Variants in FGF12 observed in about 807,000 individuals in gnomAD.
FGF12 encodes fibroblast growth factor 12, also known as fibroblast growth factor 12B.
FGF12 carries 14 observed loss-of-function variants against 23.6 expected under a neutral mutation model. That is an observed-to-expected ratio of 0.59 (90% CI 0.39 to 0.93). The LOEUF is 0.93. Ranked by LOEUF, FGF12 falls within the 40% of genes least tolerant of loss-of-function variation. The pLI, the probability that FGF12 is intolerant of heterozygous loss-of-function variation, is 0.00. For missense variants in FGF12, 175 were observed against 217.8 expected, an observed-to-expected ratio of 0.80 and a Z score of 1.24; for synonymous variants, 62 against 77.3, an observed-to-expected ratio of 0.80 and a Z score of 1.04.
intron 2 of FGF12, among the ~76,000 whole-genome samples, chr3:192,392,638 G>A (rs1020192122): frequency 4.1e-5 from 6 of 145,394 alleles, no homozygotes; most frequent in African/African-American, 1.5e-4. Flanking sequence ...GAGAGAGGAA[G>A]GGAGGGAGGG....
At chr3:192,220,125 G>C (rs564968829) in intron 4 of FGF12, among the ~76,000 whole-genome samples, 118 of 151,838 alleles carry the variant, frequency 7.8e-4, no homozygotes, top group Admixed American at 1.4e-3. Context: ...CCTGCCTCTA[G>C]TACCTACTCA....
intron 2 of FGF12, among the ~76,000 whole-genome samples, chr3:192,670,390 A>G (rs1236973513): frequency 2.6e-5 from 4 of 152,190 alleles, no homozygotes; most frequent in African/African-American, 7.2e-5. Context: ...AATATAAATC[A>G]AATAAAAGCA....
At chr3:192,657,012 A>C (rs908062161) in intron 2 of FGF12, among the ~76,000 whole-genome samples, 5 of 152,186 alleles carry the variant, frequency 3.3e-5, no homozygotes, top group Admixed American at 3.3e-4. Flanking sequence ...TATAAACAAC[A>C]GAGGTCCCCA....
At chr3:192,626,789 G>A (rs573565020) in intron 2 of FGF12, among the ~76,000 whole-genome samples, 2 of 152,110 alleles carry the variant, frequency 1.3e-5, no homozygotes, top group African/African-American at 4.8e-5. Flanking sequence ...ACAAATTTTG[G>A]TAGAGGTGGT....
intron 2 of FGF12, among the ~76,000 whole-genome samples, chr3:192,420,477 T>C (rs1721490375): frequency 1.3e-5 from 2 of 152,170 alleles, no homozygotes. Flanking sequence ...GGGAGGTGTT[T>C]GGGTCATGGG....
At chr3:192,492,909 T>C (rs1560127977) in intron 2 of FGF12, among the ~76,000 whole-genome samples, 1 of 151,486 alleles carries the variant, frequency 6.6e-6, no homozygotes, top group African/African-American at 2.4e-5. Flanking sequence ...GCCTCCCAAG[T>C]AGCTGGGACC....
At chr3:192,220,990 A>G (rs184289975) in intron 4 of FGF12, among the ~76,000 whole-genome samples, 23 of 152,322 alleles carry the variant, frequency 1.5e-4, no homozygotes, top group African/African-American at 5.3e-4. Context: ...TGCACCAACC[A>G]TCTGAATGAC....
intron 2 of FGF12, among the ~76,000 whole-genome samples, chr3:192,674,488 T>A (rs1001402911): frequency 6.6e-6 from 1 of 152,208 alleles, no homozygotes; most frequent in African/African-American, 2.4e-5. Context: ...CCATACTCTG[T>A]AATTAAAGGA....
intron 2 of FGF12, among the ~76,000 whole-genome samples, chr3:192,523,266 T>C (rs987140808): frequency 6.6e-6 from 1 of 152,138 alleles, no homozygotes; most frequent in African/African-American, 2.4e-5. Flanking sequence ...CAGTAGAATG[T>C]TGGTACCAAA....
chr3:192,603,321 A>C (rs1426667903), intron 2 of FGF12, among the ~76,000 whole-genome samples: 1 of 152,174 alleles, frequency 6.6e-6, no homozygotes, highest in Non-Finnish European at 1.5e-5. Flanking sequence ...GAACTGATTA[A>C]TCACTTCAGT....
intron 5 of FGF12, among the ~76,000 whole-genome samples, chr3:192,167,731 G>GTATATATATA (rs11394352): frequency 0.015 from 378 of 24,992 alleles, 9 homozygotes; most frequent in African/African-American, 0.021. Flanking sequence ...TAGGTTATAG[G>GTATATATATA]TATATATATA....
intron 2 of FGF12, among the ~76,000 whole-genome samples, chr3:192,449,671 C>T (rs1722464077): frequency 6.6e-6 from 1 of 152,342 alleles, no homozygotes; most frequent in Middle Eastern, 3.4e-3. Flanking sequence ...CCAGCACTGA[C>T]TCTGGCAACT....
At chr3:192,353,391 A>C (rs1404725032) in intron 3 of FGF12, among the ~76,000 whole-genome samples, 6 of 98,970 alleles carry the variant, frequency 6.1e-5, no homozygotes, top group Non-Finnish European at 1.1e-4. Flanking sequence ...TTTTTTTGAG[A>C]TGGAGTCTCG....
intron 2 of FGF12, among the ~76,000 whole-genome samples, chr3:192,711,468 C>T (rs763665725): frequency 5.3e-5 from 8 of 152,224 alleles, no homozygotes; most frequent in South Asian, 4.1e-4. Flanking sequence ...TCATTGAGAA[C>T]GGGCCATGAT....
chr3:192,635,593 C>T (rs749041870), intron 2 of FGF12, among the ~76,000 whole-genome samples: 2 of 152,208 alleles, frequency 1.3e-5, no homozygotes, highest in Non-Finnish European at 2.9e-5. Context: ...ATGCTTATGA[C>T]TTGGCCTGAC....
chr3:192,475,865 A>T (rs1295570808), intron 2 of FGF12, among the ~76,000 whole-genome samples: 1 of 152,246 alleles, frequency 6.6e-6, no homozygotes, highest in Admixed American at 6.5e-5. Context: ...GCCTAAAATC[A>T]TTATAGATCA....
In FGF12 at chr3:192,525,590, C is replaced by G. The variant is rs1045062044; in HGVS notation, c.14-165052G>C. 4.6e-5 allele frequency among the ~76,000 whole-genome samples: 7 copies of G among 152,204 alleles called. No homozygotes were observed. In the South Asian group the frequency reaches 1.2e-3, roughly 27 times the overall value. ...AACTGCCTTCAATTTAGCCTCCATACTGCCAAAATAATCACCCCAAAACTT... is the reference window on the plus strand; with the variant it reads ...AACTGCCTTCAATTTAGCCTCCATAGTGCCAAAATAATCACCCCAAAACTT... On this transcript the variant is annotated intron_variant, in intron 2 of 5. Transcript: ENST00000445105.
At chr3:192,233,762 G>A (rs1012890020) in intron 4 of FGF12, among the ~76,000 whole-genome samples, 17 of 152,064 alleles carry the variant, frequency 1.1e-4, no homozygotes, top group Non-Finnish European at 2.9e-5. Context: ...TTCGGCATAT[G>A]GCTAGCGAGT....
chr3:192,403,117 T>A (rs1720829750), intron 2 of FGF12, among the ~76,000 whole-genome samples: 1 of 152,122 alleles, frequency 6.6e-6, no homozygotes. Flanking sequence ...TCTACAAAAT[T>A]TCCAGAGCAA....
Sources: allele counts gnomAD v4.1 joint callset (sites outside exome capture counted in the v4.1 genomes callset), GRCh38; gene constraint gnomAD v4.1.1; transcripts MANE v1.5; gene names NCBI Gene and HGNC (gene_info 2026-07-23, HGNC 2026-07-21).